Variants in GPC5 observed in about 807,000 individuals in gnomAD.
GPC5 encodes the protein glypican-5.
In GPC5, 47 loss-of-function variants were observed where a neutral mutation model predicts 53.9. The observed-to-expected ratio is 0.87, with a 90% CI of 0.69 to 1.11. The LOEUF is 1.11. Among genes scored for constraint, GPC5 ranks in the 50% most tolerant of loss-of-function variants. The pLI is 0.00. For missense variants in GPC5, 748 were observed against 713.1 expected (o/e 1.05, Z -0.56); for synonymous variants, 286 against 263.3 (o/e 1.09, Z -0.84).
At chr13:91,425,214 A>G (rs773235686) in intron 1 of GPC5, among the ~76,000 whole-genome samples, 27 of 152,184 alleles carry the variant, frequency 1.8e-4, no homozygotes, top group Non-Finnish European at 1.8e-4. Flanking sequence ...AAGACATGTA[A>G]CCAATTTCAA....
intron 6 of GPC5, among the ~76,000 whole-genome samples, chr13:91,987,982 C>T (rs1184489669): frequency 6.9e-6 from 1 of 144,792 alleles, no homozygotes; most frequent in African/African-American, 2.5e-5. Flanking sequence ...GTAATAGTTA[C>T]ATGTAATTAT....
At chr13:92,429,899 G>T (rs1877009952) in intron 7 of GPC5, among the ~76,000 whole-genome samples, 1 of 152,008 alleles carries the variant, frequency 6.6e-6, no homozygotes, top group Admixed American at 6.6e-5. Flanking sequence ...AAATTCAAGA[G>T]ATCTATTGTA....
Position 91,398,947 on chromosome 13 carries a change from C to T in GPC5, c.-100C>T, listed in dbSNP as rs78715399. On this transcript the variant is annotated 5_prime_UTR_variant, in exon 1 of 8. Transcript: ENST00000377067. ...CACCCCGCAGCCGGCTCGCACCGCT[C>T]GAGAGCCTCGGCCGCTGTGTCTTCC... 69,042 of 1,430,894 alleles carry T rather than the reference C, an allele frequency of 0.048. 3,147 individuals are homozygous for T. The highest frequency in any genetic ancestry group is 0.28 in the East Asian group (11,110 of 39,392). The allele number at this position is 1,430,894 out of a possible 1,614,324, so 88.6% of individuals were successfully genotyped here. A position where few individuals can be genotyped will look rare whatever the true frequency, so the allele number is the denominator to read the frequency against.
rs2040846714 is a variant in GPC5, at chr13:92,031,748, T to TATAATATATTAC, written c.1402-113079_1402-113078insATATATTACATA. The stretch of plus-strand genomic sequence containing the variant: ...AATATATTACATATTATATATAATA[T>TATAATATATTAC]ATATTATATTACATATTATATATAA... On this transcript the variant is annotated intron_variant, in intron 6 of 7. Coordinates refer to ENST00000377067, the MANE Select transcript of GPC5 (RefSeq NM_004466.6). 4.7e-5 allele frequency among the ~76,000 whole-genome samples: 4 copies of TATAATATATTAC among 84,850 alleles called. No homozygotes were observed. In the Admixed American group the frequency reaches 5.3e-4, roughly 11 times the overall value. The allele number at this position is 84,850 out of a possible 152,430, so 55.7% of individuals were successfully genotyped here. A position where few individuals can be genotyped will look rare whatever the true frequency, so the allele number is the denominator to read the frequency against.
At chr13:92,850,423 A>T (rs1878755003) in intron 7 of GPC5, among the ~76,000 whole-genome samples, 1 of 152,136 alleles carries the variant, frequency 6.6e-6, no homozygotes, top group Admixed American at 6.5e-5. Context: ...AACATGGTGA[A>T]ACCTCATCCC....
chr13:92,672,407 A>T (rs1405543594), intron 7 of GPC5, among the ~76,000 whole-genome samples: 1 of 152,186 alleles, frequency 6.6e-6, no homozygotes, highest in African/African-American at 2.4e-5. Context: ...AGTTGTGAAG[A>T]AAAAGGAATG....
intron 7 of GPC5, among the ~76,000 whole-genome samples, chr13:92,820,589 C>T (rs1462749342): frequency 1.3e-5 from 2 of 152,210 alleles, no homozygotes; most frequent in East Asian, 1.9e-4. Context: ...GTTATCTGAC[C>T]TTCACTAACC....
At chr13:92,512,659 T>G (rs181054869) in intron 7 of GPC5, among the ~76,000 whole-genome samples, 41 of 152,334 alleles carry the variant, frequency 2.7e-4, no homozygotes, top group Non-Finnish European at 5.3e-4. Context: ...GTATTTTCAG[T>G]GTTCATTTAG....
intron 6 of GPC5, among the ~76,000 whole-genome samples, chr13:92,136,396 A>C (rs1251426024): frequency 6.6e-6 from 1 of 152,198 alleles, no homozygotes; most frequent in Non-Finnish European, 1.5e-5. Context: ...TATTATTTAA[A>C]GATGGTTTAT....
chr13:91,454,167 G>A (rs1358375520), intron 2 of GPC5, among the ~76,000 whole-genome samples: 5 of 151,940 alleles, frequency 3.3e-5, no homozygotes, highest in Admixed American at 6.6e-5. Flanking sequence ...TTGAATCGGC[G>A]TCAACAGGCT....
intron 6 of GPC5, among the ~76,000 whole-genome samples, chr13:92,126,836 A>G (rs199508213): frequency 9.5e-5 from 13 of 136,252 alleles, no homozygotes; most frequent in East Asian, 4.5e-4. Flanking sequence ...GTGTGTGTGT[A>G]TGTATGCATG....
chr13:92,199,673 A>G (rs756524114), intron 7 of GPC5, among the ~76,000 whole-genome samples: 1 of 152,200 alleles, frequency 6.6e-6, no homozygotes, highest in Non-Finnish European at 1.5e-5. Flanking sequence ...AACACTACTA[A>G]AGAAATATTA....
rs577632203 is a variant in GPC5, at chr13:91,662,183, G to A, written c.326-31004G>A. ...AAGGATGGAGGAAGAGAAGGAAACA[G>A]CCAAAGAGGCTGAGAAAAACATGAC... On this transcript the variant is annotated intron_variant, in intron 2 of 7. Transcript: ENST00000377067. 1.4e-4 allele frequency among the ~76,000 whole-genome samples: 21 copies of A among 152,252 alleles called. No individual in the cohort carries two copies. The East Asian group carries it at 3.9e-3, about 28-fold the overall frequency.
intron 2 of GPC5, among the ~76,000 whole-genome samples, chr13:91,504,278 C>T (rs1473182001): frequency 6.6e-6 from 1 of 151,830 alleles, no homozygotes; most frequent in African/African-American, 2.4e-5. Context: ...TTTAAAAATC[C>T]AAATTCATTA....
chr13:92,643,259 T>C (rs1488554620), intron 7 of GPC5, among the ~76,000 whole-genome samples: 3 of 152,144 alleles, frequency 2.0e-5, no homozygotes, highest in African/African-American at 4.8e-5. Flanking sequence ...TTGTCTTTTG[T>C]TGCCATTGCT....
Position 91,763,487 on chromosome 13 carries a change from G to C in GPC5, c.1280+7067G>C, listed in dbSNP as rs534349543. Among the ~76,000 whole-genome samples the C allele has an allele frequency of 4.6e-5, 7 of 152,290 alleles. No homozygotes were observed. In the East Asian group the frequency reaches 1.3e-3, roughly 29 times the overall value. ...CCAAAGTCAAAAGTCTGAGTTTGCA[G>C]TCTTCATTAAGGGAAGAACTGAAAC... On this transcript the variant is annotated intron_variant, in intron 5 of 7. Transcript: ENST00000377067.
At position 92,150,116 on chromosome 13, in the gene GPC5, T is replaced by C. The variant is rs561773249; in HGVS notation, c.1561+5127T>C. Among the ~76,000 whole-genome samples, 3 of 152,092 alleles carry C rather than the reference T, an allele frequency of 2.0e-5. No homozygotes were observed. In the South Asian group the frequency reaches 6.2e-4, roughly 31 times the overall value. ...TTACTGAAAATAACTATTTTTTCAA[T>C]AAGGCTTATCATTTATCCATTCATA... On this transcript the variant is annotated intron_variant, in intron 7 of 7. Transcript: ENST00000377067.
chr13:91,776,437 G>C (rs1467971644), intron 5 of GPC5, among the ~76,000 whole-genome samples: 1 of 152,170 alleles, frequency 6.6e-6, no homozygotes, highest in African/African-American at 2.4e-5. Flanking sequence ...TAGTTAATTA[G>C]AGTAGAGAAC....
At chr13:91,472,628 T>C (rs1051775052) in intron 2 of GPC5, among the ~76,000 whole-genome samples, 8 of 152,228 alleles carry the variant, frequency 5.3e-5, no homozygotes, top group Non-Finnish European at 8.8e-5. Context: ...CCAATACATA[T>C]GTTATTTTTA....
Sources: gnomAD v4.1 joint callset for allele counts (sites outside exome capture counted in the v4.1 genomes callset) on GRCh38, gnomAD v4.1.1 for gene constraint, MANE v1.5 for transcripts, NCBI Gene and HGNC (gene_info 2026-07-23, HGNC 2026-07-21) for gene names.